Variants in MGA observed in about 807,000 individuals in gnomAD.
The protein encoded by MGA is MAX dimerization protein MGA.
In MGA, 40 loss-of-function variants were observed where a neutral mutation model predicts 261.1. That is an observed-to-expected ratio of 0.15 (90% CI 0.12 to 0.20). MGA has a LOEUF of 0.20. Among genes scored for constraint, MGA ranks in the 10% least tolerant of loss-of-function variants. The probability of loss-of-function intolerance (pLI) is 1.00; values close to 1 mark genes in which losing one functional copy is unlikely to be tolerated. For synonymous variants in MGA, 1,302 were observed against 1,290.6 expected (o/e 1.01, Z -0.19); for missense variants, 3,397 against 3,630.5 (o/e 0.94, Z 1.65).
chr15:41,717,469 G>T (rs2060702558), intron 9 of MGA, among the ~76,000 whole-genome samples: 1 of 152,138 alleles, frequency 6.6e-6, no homozygotes, highest in Non-Finnish European at 1.5e-5. Flanking sequence ...TACAGACATT[G>T]AAAGGATGAT....
intron 15 of MGA, among the ~76,000 whole-genome samples, chr15:41,748,022 C>T (rs1161644197): frequency 2.0e-5 from 3 of 152,068 alleles, no homozygotes; most frequent in East Asian, 1.9e-4. Flanking sequence ...TTTGGAAGGC[C>T]GAGATGGCAG....
chr15:41,683,846 G>T (rs559645940), intron 2 of MGA, among the ~76,000 whole-genome samples: 14 of 152,076 alleles, frequency 9.2e-5, no homozygotes, highest in Admixed American at 9.2e-4. Flanking sequence ...CTCACAAACT[G>T]CTGGGATTAC....
At chr15:41,638,628 C>T (rs1483220536) in intron 1 of MGA, among the ~76,000 whole-genome samples, 1 of 151,760 alleles carries the variant, frequency 6.6e-6, no homozygotes, top group East Asian at 1.9e-4. Flanking sequence ...CCAACCTTGG[C>T]CTCTCAAAGT....
At chr15:41,648,229 T>A (rs1237974958) in intron 1 of MGA, among the ~76,000 whole-genome samples, 1 of 152,250 alleles carries the variant, frequency 6.6e-6, no homozygotes, top group Non-Finnish European at 1.5e-5. Context: ...AGCATAGTCA[T>A]TAAAAGTGTG....
intron 2 of MGA, among the ~76,000 whole-genome samples, chr15:41,679,333 C>T (rs141803954): frequency 4.2e-4 from 64 of 152,258 alleles, no homozygotes; most frequent in African/African-American, 1.4e-3. Flanking sequence ...CATGAGCCAC[C>T]GCGCTGGGCC....
chr15:41,626,724 A>T (rs1426278764), intron 1 of MGA, among the ~76,000 whole-genome samples: 2 of 152,162 alleles, frequency 1.3e-5, no homozygotes, highest in Non-Finnish European at 2.9e-5. Flanking sequence ...TGCCCGGCCT[A>T]AAAAAACTAT....
At chr15:41,763,300 A>G (rs1430332811) in intron 22 of MGA, among the ~76,000 whole-genome samples, 1 of 149,708 alleles carries the variant, frequency 6.7e-6, no homozygotes, top group African/African-American at 2.5e-5. Context: ...ACGGGGTTTC[A>G]CCGTGTTAGC....
chr15:41,729,523 T>C (rs754222526), intron 11 of MGA, among the ~76,000 whole-genome samples, 174 bp downstream of exon 11: 2 of 152,154 alleles, frequency 1.3e-5, no homozygotes, highest in Non-Finnish European at 1.5e-5. Flanking sequence ...TTATGGTTAT[T>C]ACAAGTATTC....
chr15:41,632,286 A>G (rs1298438803), intron 1 of MGA, among the ~76,000 whole-genome samples: 1 of 152,216 alleles, frequency 6.6e-6, no homozygotes, highest in Non-Finnish European at 1.5e-5. Flanking sequence ...GGACCAGCCC[A>G]GAGAGTGTCT....
chr15:41,720,966 A>G (rs1417240757), intron 9 of MGA, among the ~76,000 whole-genome samples: 1 of 152,240 alleles, frequency 6.6e-6, no homozygotes, highest in Admixed American at 6.5e-5. Context: ...CGTATGGGAA[A>G]AATAGAAACT....
At chr15:41,621,774 C>A (rs1247266192) in intron 1 of MGA, among the ~76,000 whole-genome samples, 3 of 152,062 alleles carry the variant, frequency 2.0e-5, no homozygotes, top group Non-Finnish European at 2.9e-5. Context: ...CCGAGGCGCA[C>A]CCACAGCTTT....
At chr15:41,664,762 G>A (rs1450401164) in intron 1 of MGA, among the ~76,000 whole-genome samples, 1 of 150,040 alleles carries the variant, frequency 6.7e-6, no homozygotes, top group South Asian at 2.1e-4. Context: ...TTTTTTTTTT[G>A]CCAGTTCTTT....
At chr15:41,668,514 TG>T (rs2057885318) in intron 1 of MGA, among the ~76,000 whole-genome samples, 1 of 152,150 alleles carries the variant, frequency 6.6e-6, no homozygotes, top group Non-Finnish European at 1.5e-5. Flanking sequence ...TTTTTAATTT[TG>T]TATACTTTTT....
In MGA at chr15:41,748,768, C is replaced by T. The variant is rs1181437528; in HGVS notation, c.5344C>T (p.Leu1782Phe). The change falls in exon 16 of 24, where the codon CTT becomes TTT. Residue 1782 changes from leucine to phenylalanine, a missense_variant. By Grantham distance (22) the Leu-to-Phe change is conservative. Around this residue, in one of 9 missense-constraint regions of MGA, gnomAD observed 1,410 missense variants for 1,386.4 expected, o/e 1.02. Coordinates refer to ENST00000219905, the MANE Select transcript of MGA (RefSeq NM_001164273.2). ...TCTTAGACCTGTCTCAAACACACAA[C>T]TTCAGGGACATCGGATGGTCTTGCA... 6.8e-6 allele frequency: 11 copies of T among 1,613,820 alleles called. No individual in the cohort carries two copies. The highest frequency in any genetic ancestry group is 9.3e-6 in the Non-Finnish European group (11 of 1,179,898).
At chr15:41,632,428 C>G (rs2056609669) in intron 1 of MGA, among the ~76,000 whole-genome samples, 1 of 152,182 alleles carries the variant, frequency 6.6e-6, no homozygotes, top group Admixed American at 6.5e-5. Context: ...CATCCCTCCT[C>G]TCCTCCCCCA....
Position 41,712,146 on chromosome 15 carries a change from T to A in MGA, c.3084+797T>A, listed in dbSNP as rs557205460. On this transcript the variant is annotated intron_variant, in intron 8 of 23. Coordinates refer to ENST00000219905, the MANE Select transcript of MGA (RefSeq NM_001164273.2). ...TATTTTAGAAGTTTTATGGCAAGGG[T>A]TGCAGGAAGGAATTTTTGATCTATT... Among the ~76,000 whole-genome samples, 119 of 152,284 alleles carry A rather than the reference T, an allele frequency of 7.8e-4. No homozygotes were observed. The South Asian group carries it at 0.011, about 15-fold the overall frequency.
intron 2 of MGA, among the ~76,000 whole-genome samples, chr15:41,674,512 C>T (rs1218824896): frequency 1.3e-5 from 2 of 151,244 alleles, no homozygotes; most frequent in South Asian, 2.1e-4. Flanking sequence ...AGTGATTATT[C>T]TTATTTTTAT....
chr15:41,713,093 T>G, intron 8 of MGA, 58 bp from the exon 9 acceptor site: 2 of 1,573,238 alleles, frequency 1.3e-6, no homozygotes, highest in Non-Finnish European at 1.7e-6. Context: ...TGACCATAAG[T>G]TGGTGGTGGT....
At chr15:41,746,972 T>TAA (rs11406312) in intron 15 of MGA, among the ~76,000 whole-genome samples, 110,780 of 149,470 alleles carry the variant, frequency 0.74, 41,908 homozygotes, top group East Asian at 0.89. Context: ...CTCTTTGATC[T>TAA]AAAAAAAAAA....
Sources: gnomAD v4.1 joint callset for allele counts (sites outside exome capture counted in the v4.1 genomes callset) on GRCh38, gnomAD v4.1.1 for gene constraint, gnomAD v4.1.1 regional missense constraint, MANE v1.5 for transcripts, NCBI Gene and HGNC (gene_info 2026-07-23, HGNC 2026-07-21) for gene names.